Variants in CCDC192 observed in about 807,000 individuals in gnomAD.
The protein encoded by CCDC192 is coiled-coil domain containing 192.
chr5:127,862,663 T>C (rs973751148), intron 5 of CCDC192, among the ~76,000 whole-genome samples: 6 of 152,320 alleles, frequency 3.9e-5, no homozygotes, highest in African/African-American at 1.4e-4. Flanking sequence ...GCACCTCTTT[T>C]TCAAAAGAGT....
chr5:127,795,501 A>G (rs920379606), intron 3 of CCDC192, among the ~76,000 whole-genome samples: 2 of 152,102 alleles, frequency 1.3e-5, no homozygotes, highest in African/African-American at 4.8e-5. Flanking sequence ...TTTCATCCCC[A>G]TCGCTATTTA....
intron 6 of CCDC192, among the ~76,000 whole-genome samples, chr5:127,903,519 A>G (rs991319608): frequency 6.6e-6 from 1 of 152,292 alleles, no homozygotes; most frequent in Admixed American, 6.5e-5. Flanking sequence ...CTGGGATTAC[A>G]GGGGTGGGCC....
chr5:127,795,239 G>A (rs1257019967), intron 3 of CCDC192, among the ~76,000 whole-genome samples: 2 of 146,462 alleles, frequency 1.4e-5, no homozygotes, highest in Admixed American at 7.1e-5. Flanking sequence ...GCAGTGAGCA[G>A]CGATTGCGCC....
intron 2 of CCDC192, among the ~76,000 whole-genome samples, chr5:127,724,148 A>G (rs1752177166): frequency 6.6e-6 from 1 of 152,198 alleles, no homozygotes; most frequent in Non-Finnish European, 1.5e-5. Flanking sequence ...TTTTCAACTC[A>G]TTTAAGAAGT....
chr5:127,800,578 C>T (rs1048520765), intron 5 of CCDC192, among the ~76,000 whole-genome samples: 7 of 151,942 alleles, frequency 4.6e-5, no homozygotes, highest in East Asian at 1.9e-4. Flanking sequence ...GGCTGGTACA[C>T]GGCATCAAAC....
intron 3 of CCDC192, among the ~76,000 whole-genome samples, chr5:127,791,776 A>G (rs905805323): frequency 6.6e-5 from 10 of 152,228 alleles, no homozygotes; most frequent in African/African-American, 2.4e-4. Flanking sequence ...ATTATATACA[A>G]TGTTAAATTC....
upstream of CCDC192, among the ~76,000 whole-genome samples, chr5:127,702,757 C>T (rs575940987): frequency 5.9e-5 from 9 of 152,258 alleles, no homozygotes; most frequent in East Asian, 1.4e-3. Flanking sequence ...GAAAGTGAAG[C>T]GGATACAGGT....
intron 5 of CCDC192, among the ~76,000 whole-genome samples, chr5:127,806,051 C>G (rs1757763212): frequency 6.6e-6 from 1 of 152,194 alleles, no homozygotes; most frequent in South Asian, 2.1e-4. Flanking sequence ...GATCCACTAA[C>G]AGATCCTGCC....
At chr5:127,865,431 C>T (rs892658229) in intron 5 of CCDC192, among the ~76,000 whole-genome samples, 4 of 151,836 alleles carry the variant, frequency 2.6e-5, no homozygotes, top group Admixed American at 2.6e-4. Flanking sequence ...CTGTAGCAGA[C>T]TATTGCTATT....
intron 2 of CCDC192, among the ~76,000 whole-genome samples, chr5:127,719,506 C>CATATATATACATAT (rs1751850847): frequency 8.0e-6 from 1 of 124,444 alleles, no homozygotes; most frequent in African/African-American, 3.6e-5. Context: ...CACACACATA[C>CATATATATACATAT]ATATATATAT....
At chr5:127,800,397 A>AAAAAC (rs1466586061) in intron 5 of CCDC192, among the ~76,000 whole-genome samples, 1 of 137,992 alleles carries the variant, frequency 7.2e-6, no homozygotes, top group African/African-American at 2.6e-5. Context: ...AAAAAAAAAA[A>AAAAAC]AAAACAACAA....
At chr5:127,872,063 T>C (rs1458600112) in intron 5 of CCDC192, among the ~76,000 whole-genome samples, 3 of 152,154 alleles carry the variant, frequency 2.0e-5, no homozygotes, top group Non-Finnish European at 4.4e-5. Context: ...CTATGACTAA[T>C]AAAAAACATG....
chr5:127,868,178 G>A (rs1460229324), intron 5 of CCDC192, among the ~76,000 whole-genome samples: 1 of 151,898 alleles, frequency 6.6e-6, no homozygotes, highest in Non-Finnish European at 1.5e-5. Context: ...AAAAAGTCCC[G>A]CTACTTCTGA....
At chr5:127,909,278 G>A (rs1053971503) in intron 6 of CCDC192, among the ~76,000 whole-genome samples, 3 of 152,046 alleles carry the variant, frequency 2.0e-5, no homozygotes, top group Non-Finnish European at 2.9e-5. Context: ...AATACCTTAC[G>A]TTGACTGGCC....
At chr5:127,841,590 C>T (rs1416006729) in intron 5 of CCDC192, among the ~76,000 whole-genome samples, 1 of 152,132 alleles carries the variant, frequency 6.6e-6, no homozygotes, top group Non-Finnish European at 1.5e-5. Context: ...CTGCATTATT[C>T]CATGTAACCC....
intron 2 of CCDC192, among the ~76,000 whole-genome samples, chr5:127,710,892 T>G (rs936439464): frequency 2.0e-5 from 3 of 152,216 alleles, no homozygotes; most frequent in Non-Finnish European, 2.9e-5. Context: ...TTAAATCCAC[T>G]CTCAGGTGCC....
intron 3 of CCDC192, among the ~76,000 whole-genome samples, chr5:127,769,148 A>G (rs2126905957): frequency 6.6e-6 from 1 of 152,348 alleles, no homozygotes; most frequent in East Asian, 1.9e-4. Flanking sequence ...AGAACAGACA[A>G]TAAGAAGAGA....
At chr5:127,865,001 G>A (rs563289764) in intron 5 of CCDC192, among the ~76,000 whole-genome samples, 1 of 152,056 alleles carries the variant, frequency 6.6e-6, no homozygotes. Context: ...CAAAAAATTG[G>A]CCAGGCGTGG....
At chr5:127,717,975 A>C (rs910639804) in intron 2 of CCDC192, among the ~76,000 whole-genome samples, 4 of 151,788 alleles carry the variant, frequency 2.6e-5, no homozygotes, top group Admixed American at 2.0e-4. Flanking sequence ...AACAAAAAAA[A>C]CACAGAATTA....
Sources: gnomAD v4.1 joint callset for allele counts (sites outside exome capture counted in the v4.1 genomes callset) on GRCh38, gnomAD v4.1.1 for gene constraint, MANE v1.5 for transcripts, NCBI Gene and HGNC (gene_info 2026-07-23, HGNC 2026-07-21) for gene names.